IZUMO1: variants seen among roughly 807,000 people sequenced by gnomAD.
The protein encoded by IZUMO1 is izumo sperm-egg fusion protein 1.
Under a neutral mutation model 40.7 loss-of-function variants are expected in IZUMO1, and 44 were observed. That is an observed-to-expected ratio of 1.08 (90% CI 0.85 to 1.39). The LOEUF is 1.39. Ranked by LOEUF, IZUMO1 falls within the 40% of genes most tolerant of loss-of-function variation. The pLI is 0.00. For missense variants in IZUMO1, 368 were observed against 436.9 expected (o/e 0.84, Z 1.41); for synonymous variants, 149 against 170.9 (o/e 0.87, Z 1.00).
chr19:48,746,650 TAA>T lies in IZUMO1; in HGVS notation c.-291_-290del, dbSNP rs1365270324. 1.0e-6 allele frequency: 1 copy of T among 985,382 alleles called. No individual in the cohort carries two copies. The highest frequency in any genetic ancestry group is 1.2e-6 in the Non-Finnish European group (1 of 829,942). 61.0% of individuals were successfully genotyped at this position (985,382 alleles called of 1,614,324 possible). A position where few individuals can be genotyped will look rare whatever the true frequency, so the allele number is the denominator to read the frequency against. On this transcript the variant is annotated 5_prime_UTR_variant, in exon 1 of 10. It introduces an in-frame stop codon into an upstream open reading frame of the 5' UTR. Transcript: ENST00000332955. ...ACCTTGGTTCCCGATTTGTGGCCTC[TAA>T]CACTAGGGTTCATTGAGGAGCCCGG...
Position 48,741,197 on chromosome 19 carries a change from T to C in IZUMO1, c.932+104A>G. ...CCGCACTCCATCCCCAGGAAAGTCC[T>C]GCTCTCAGGCCTCAGTAGCCCCCAG... On this transcript the variant is annotated intron_variant, in intron 9 of 9. Transcript: ENST00000332955. This position sits in a 1 kb window ranked among gnomAD's most constrained non-coding sequence, Gnocchi z 4.4. 1.4e-6 allele frequency: 2 copies of C among 1,445,484 alleles called. No individual in the cohort carries two copies. The highest frequency in any genetic ancestry group is 2.7e-5 in the South Asian group (2 of 74,926). The allele number at this position is 1,445,484 out of a possible 1,614,324, so 89.5% of individuals were successfully genotyped here.
intron 3 of IZUMO1, 137 bp from the exon 4 acceptor site, chr19:48,744,676 C>G: frequency 1.5e-6 from 1 of 646,856 alleles, no homozygotes; most frequent in South Asian, 1.8e-5. Context: ...ATGCCAGCTG[C>G]TGGGCTAGGC....
At chr19:48,742,129 C>T (rs1023999698) in intron 7 of IZUMO1, 80 bp downstream of exon 7, 28 of 1,490,364 alleles carry the variant, frequency 1.9e-5, no homozygotes, top group Non-Finnish European at 2.5e-5. Context: ...TCATGAGAAT[C>T]GTGGGTGCAG....
chr19:48,744,337 G>T, intron 4 of IZUMO1, 116 bp downstream of exon 4: 1 of 1,206,050 alleles, frequency 8.3e-7, no homozygotes, highest in Non-Finnish European at 1.2e-6. Flanking sequence ...GGGTCTGAAG[G>T]AGGAGGCAGT....
At position 48,741,284 on chromosome 19, in the gene IZUMO1, T is replaced by C; in HGVS notation, c.932+17A>G. ...CTTACTCCAAGCCAAGCCTGTCTTCTTCAATGGGTTGCTTACGCAAAGGTA... is the reference window on the plus strand; with the variant it reads ...CTTACTCCAAGCCAAGCCTGTCTTCCTCAATGGGTTGCTTACGCAAAGGTA... On this transcript the variant is annotated intron_variant, in intron 9 of 9. Coordinates refer to ENST00000332955, the MANE Select transcript of IZUMO1 (RefSeq NM_182575.3). This position sits in a 1 kb window ranked among gnomAD's most constrained non-coding sequence, Gnocchi z 4.4. 6.4e-7 allele frequency: 1 copy of C among 1,573,148 alleles called. No individual in the cohort carries two copies. Among genetic ancestry groups the C allele is most frequent in the South Asian group, 1.1e-5 (1 of 89,230 alleles).
At chr19:48,746,370 C>T in intron 1 of IZUMO1, 65 bp downstream of exon 1, 4 of 1,003,074 alleles carry the variant, frequency 4.0e-6, no homozygotes, top group Non-Finnish European at 4.8e-6. Context: ...AACCAATAAA[C>T]ATCTAACACA....
At chr19:48,745,326 T>G (rs2033848622) in intron 2 of IZUMO1, 38 bp from the exon 3 acceptor site, 2 of 1,563,334 alleles carry the variant, frequency 1.3e-6, no homozygotes. Context: ...CCAGCCTTAC[T>G]GTCTCATTGG....
chr19:48,743,253 C>T, intron 6 of IZUMO1, 192 bp downstream of exon 6: 2 of 594,744 alleles, frequency 3.4e-6, no homozygotes, highest in Non-Finnish European at 3.0e-6. Flanking sequence ...GTCTCAAACT[C>T]CTGGCTTCCC....
rs766378809 is a variant in IZUMO1, at chr19:48,741,919, G to C, written c.624C>G (p.Thr208=). 4 of 1,609,582 alleles carry C rather than the reference G, an allele frequency of 2.5e-6. No homozygotes were observed. Among genetic ancestry groups the C allele is most frequent in the Non-Finnish European group, 3.4e-6 (4 of 1,177,114 alleles). Residue 208 remains threonine (T), a synonymous_variant, in exon 8 of 10, where the codon ACC becomes ACG. Transcript: ENST00000332955. This position sits in a 1 kb window ranked among gnomAD's most constrained non-coding sequence, Gnocchi z 4.4. ...FYRVWGNNTE[T]LVSKGKEATL... ...TGGCCTCTTTCCCCTTGGACACCAAGGTCTCCGTATTGTTCCCCCAAACCT... is the reference window on the plus strand; with the variant it reads ...TGGCCTCTTTCCCCTTGGACACCAACGTCTCCGTATTGTTCCCCCAAACCT...
intron 3 of IZUMO1, 60 bp downstream of exon 3, chr19:48,745,154 G>T (rs956528281): frequency 1.5e-6 from 2 of 1,363,230 alleles, no homozygotes; most frequent in Non-Finnish European, 2.1e-6. Context: ...AAGAGACCAG[G>T]CATCACTAAC....
At chr19:48,742,375 A>T (rs2033730058) in intron 6 of IZUMO1, 66 bp from the exon 7 acceptor site, 7 of 1,116,296 alleles carry the variant, frequency 6.3e-6, no homozygotes, top group Non-Finnish European at 9.5e-6. Context: ...TGAGATGGAG[A>T]CTCGCTCTGT....
At chr19:48,745,517 T>C (rs768944121) in intron 2 of IZUMO1, 108 bp downstream of exon 2, 203 of 1,363,396 alleles carry the variant, frequency 1.5e-4, no homozygotes, top group Non-Finnish European at 1.8e-4. Context: ...CATCTCAGCC[T>C]TCTCCATTCC....
At chr19:48,742,365 T>C (rs1437093360) in intron 6 of IZUMO1, 56 bp from the exon 7 acceptor site, 3 of 1,248,100 alleles carry the variant, frequency 2.4e-6, no homozygotes, top group Non-Finnish European at 2.4e-6. Context: ...TTTTTGTTTT[T>C]GAGATGGAGA....
Position 48,741,190 on chromosome 19 carries a change from A to C in IZUMO1, c.932+111T>G. On this transcript the variant is annotated intron_variant, in intron 9 of 9. Transcript: ENST00000332955. The surrounding 1 kb of genome is among the most constrained non-coding windows in gnomAD (Gnocchi z 4.4). Reference sequence around the variant, plus strand: ...AAGCCCCCCGCACTCCATCCCCAGGAAAGTCCTGCTCTCAGGCCTCAGTAG... The same window carrying C: ...AAGCCCCCCGCACTCCATCCCCAGGCAAGTCCTGCTCTCAGGCCTCAGTAG... 2 of 1,437,238 alleles carry C rather than the reference A, an allele frequency of 1.4e-6. No homozygotes were observed. The highest frequency in any genetic ancestry group is 1.9e-6 in the Non-Finnish European group (2 of 1,074,354). 89.0% of individuals were successfully genotyped at this position (1,437,238 alleles called of 1,614,324 possible).
Position 48,741,734 on chromosome 19 carries a change from C to A in IZUMO1, c.754+55G>T, listed in dbSNP as rs550604523. Reference sequence around the variant, plus strand: ...GCCAAGGCCACGCCCCCGCCGCGGACCCCAGCTTTCCTGGGCCCTGAATCC... The same window carrying A: ...GCCAAGGCCACGCCCCCGCCGCGGAACCCAGCTTTCCTGGGCCCTGAATCC... On this transcript the variant is annotated intron_variant, in intron 8 of 9. Coordinates refer to ENST00000332955, the MANE Select transcript of IZUMO1 (RefSeq NM_182575.3). The surrounding 1 kb of genome is among the most constrained non-coding windows in gnomAD (Gnocchi z 4.4). 1.7e-5 allele frequency: 26 copies of A among 1,506,280 alleles called. No individual in the cohort carries two copies. In the Admixed American group the frequency reaches 4.1e-4, roughly 24 times the overall value. 93.3% of individuals were successfully genotyped at this position (1,506,280 alleles called of 1,614,324 possible).
chr19:48,746,095 G>C, intron 1 of IZUMO1, 163 bp from the exon 2 acceptor site: 1 of 1,380,030 alleles, frequency 7.2e-7, no homozygotes, highest in Non-Finnish European at 9.4e-7. Context: ...CCCCAATCCA[G>C]GGGACCCAAA....
At chr19:48,744,067 C>A (rs902212641) in intron 5 of IZUMO1, 108 bp downstream of exon 5, 14 of 951,108 alleles carry the variant, frequency 1.5e-5, no homozygotes, top group Admixed American at 3.7e-5. Context: ...GACCCAGGAA[C>A]CTCTCCAAGG....
rs2033686155 is a variant in IZUMO1 at position 48,741,456 on chromosome 19, C to T, written c.777G>A (p.Glu259=). The T allele has an allele frequency of 6.2e-7, 1 of 1,611,320 alleles. No individual in the cohort carries two copies. The change falls in exon 9 of 10, where the codon GAG becomes GAA. Residue 259 remains glutamate (E), a synonymous_variant. Coordinates refer to ENST00000332955, the MANE Select transcript of IZUMO1 (RefSeq NM_182575.3). The surrounding 1 kb of genome is among the most constrained non-coding windows in gnomAD (Gnocchi z 4.4). ...TTACGATATTTGGAGAAGGTTTTTC[C>T]TCCTTGATCATTTTGGGCAACACTG... ...HVTVLPKMIK[E]EKPSPNIVTP...
At position 48,743,464 on chromosome 19, in the gene IZUMO1, T is replaced by C; in HGVS notation, c.480A>G (p.Arg160=). The change falls in exon 6 of 10, where the codon CGA becomes CGG. Residue 160 remains arginine (R), a synonymous_variant. Transcript: ENST00000332955. ...KNCKKEVHAC[R]KSYDCGERNV... Reference sequence around the variant, plus strand: ...TCTCACCCCCGCAATCGTAGGACTTTCGACAAGCGTGAACCTCCTTTTTGC... The same window carrying C: ...TCTCACCCCCGCAATCGTAGGACTTCCGACAAGCGTGAACCTCCTTTTTGC... 1 of 1,614,132 alleles carries C rather than the reference T, an allele frequency of 6.2e-7. No individual in the cohort carries two copies.
Sources: allele counts gnomAD v4.1 joint callset, GRCh38; gene constraint gnomAD v4.1.1; non-coding constraint Gnocchi (gnomAD v3.1); transcripts MANE v1.5; gene names NCBI Gene and HGNC (gene_info 2026-07-23, HGNC 2026-07-21).